Variants in CIITA observed in about 807,000 individuals in gnomAD.
CIITA encodes MHC class II transactivator.
A neutral mutation model predicts 115.1 loss-of-function variants in CIITA; 72 were observed. That is an observed-to-expected ratio of 0.63 (90% CI 0.52 to 0.76). The LOEUF is 0.76. CIITA is among the 30% of genes least tolerant of loss of function. The probability of loss-of-function intolerance (pLI) is 0.00; values close to 1 mark genes in which losing one functional copy is unlikely to be tolerated. For missense variants in CIITA, 1,617 were observed against 1,463.8 expected, an observed-to-expected ratio of 1.10 and a Z score of -1.71; for synonymous variants, 763 against 635.6, an observed-to-expected ratio of 1.20 and a Z score of -3.02.
intron 7 of CIITA, 42 bp from the exon 8 acceptor site, chr16:10,902,616 G>A (rs1346350155): frequency 1.6e-5 from 26 of 1,613,532 alleles, no homozygotes; most frequent in Middle Eastern, 1.6e-4. Context: ...GCAAACACAG[G>A]TGCTATGCAA....
intron 12 of CIITA, 83 bp downstream of exon 12, chr16:10,909,270 AT>A: frequency 7.0e-7 from 1 of 1,435,936 alleles, no homozygotes; most frequent in Non-Finnish European, 9.8e-7. Context: ...TGTCATGGGC[AT>A]TTCCAGTGCC....
At chr16:10,903,919 GA>G (rs2038957788) in intron 9 of CIITA, 24 bp downstream of exon 9, 2 of 1,614,192 alleles carry the variant, frequency 1.2e-6, no homozygotes, top group Non-Finnish European at 1.7e-6. Context: ...GGGCCTGTGA[GA>G]GGTACTAGAA....
chr16:10,895,137 G>A (rs2037991868), intron 1 of CIITA, 145 bp from the exon 2 acceptor site: 2 of 879,076 alleles, frequency 2.3e-6, no homozygotes, highest in South Asian at 3.0e-5. Flanking sequence ...TCTCCACCAC[G>A]CTGAGCATAT....
At chr16:10,908,861 T>C (rs2039359435) in intron 11 of CIITA, 168 bp from the exon 12 acceptor site, 1 of 892,510 alleles carries the variant, frequency 1.1e-6, no homozygotes, top group Non-Finnish European at 1.8e-6. Flanking sequence ...TGTGAGAAAG[T>C]AGGAATCAAT....
downstream of CIITA, chr16:10,936,593 A>C (rs1437821721): frequency 2.0e-5 from 3 of 152,256 alleles, no homozygotes; most frequent in South Asian, 2.1e-4. Context: ...AAATTACTTC[A>C]TAACAGAGGT....
At chr16:10,896,496 G>C (rs779942916) in intron 3 of CIITA, among the ~76,000 whole-genome samples, 3 of 152,228 alleles carry the variant, frequency 2.0e-5, no homozygotes, top group Non-Finnish European at 4.4e-5. Flanking sequence ...GGTGGTGGTG[G>C]TGTTGCTGCT....
rs2040896971 is a variant in CIITA, at chr16:10,933,703, G to A, written c.*9848G>A. The A allele has an allele frequency of 1.3e-5, 2 of 152,362 alleles. No homozygotes were observed. The highest frequency in any genetic ancestry group is 4.1e-4 in the South Asian group (2 of 4,832). 9.4% of individuals were successfully genotyped at this position (152,362 alleles called of 1,614,324 possible). On this transcript the variant is annotated 3_prime_UTR_variant, in exon 20 of 20. Coordinates refer to ENST00000324288, the MANE Select transcript of CIITA (RefSeq NM_000246.4). ...CAATACCGGCAGGGAACCTTCTCAAGGCTAGGGGCCTTCTGAAAGCAGCAG... is the reference window on the plus strand; with the variant it reads ...CAATACCGGCAGGGAACCTTCTCAAAGCTAGGGGCCTTCTGAAAGCAGCAG...
At chr16:10,885,767 T>C (rs1437952104) in intron 1 of CIITA, among the ~76,000 whole-genome samples, 1 of 152,182 alleles carries the variant, frequency 6.6e-6, no homozygotes, top group Non-Finnish European at 1.5e-5. Context: ...GTTTGTTTCT[T>C]TGTGAACATC....
chr16:10,891,907 C>T (rs191529923), intron 1 of CIITA, among the ~76,000 whole-genome samples: 19 of 152,342 alleles, frequency 1.2e-4, no homozygotes, highest in African/African-American at 2.6e-4. Flanking sequence ...CCCGCTCAAC[C>T]GTCATGAACA....
At chr16:10,916,755 TTC>T in intron 15 of CIITA, 1 of 475,406 alleles carries the variant, frequency 2.1e-6, no homozygotes, top group South Asian at 2.1e-5. Context: ...CATTCAATGA[TTC>T]ATCCATTCAC....
At position 10,901,447 on chromosome 16, in the gene CIITA, G is replaced by A; in HGVS notation, c.437-67G>A. On this transcript the variant is annotated intron_variant, in intron 5 of 19. Coordinates refer to ENST00000324288, the MANE Select transcript of CIITA (RefSeq NM_000246.4). This position sits in a 1 kb window ranked among gnomAD's most constrained non-coding sequence, Gnocchi z 6.8. ...AGTTAAGGCCGTATAGCCTGCTAGA[G>A]TCCTGAGCCCCTTCTGGCTTGGGAC... 2 of 1,566,634 alleles carry A rather than the reference G, an allele frequency of 1.3e-6. No homozygotes were observed. The highest frequency in any genetic ancestry group is 1.7e-5 in the Admixed American group (1 of 59,888).
chr16:10,939,787 G>A (rs1215383745), downstream of CIITA: 1 of 152,260 alleles, frequency 6.6e-6, no homozygotes, highest in Non-Finnish European at 1.5e-5. This position sits in a 1 kb window ranked among gnomAD's most constrained non-coding sequence, Gnocchi z 4.9. Context: ...GGAAGCTCAT[G>A]TCCTTCTTGC....
intron 13 of CIITA, among the ~76,000 whole-genome samples, chr16:10,912,670 T>C (rs963141308): frequency 9.2e-5 from 14 of 152,298 alleles, no homozygotes; most frequent in Non-Finnish European, 1.6e-4. Context: ...GAGGTAAAAA[T>C]GATGCTGAAA....
intron 3 of CIITA, among the ~76,000 whole-genome samples, chr16:10,896,597 G>GA (rs1567393125): frequency 1.3e-5 from 2 of 152,292 alleles, no homozygotes; most frequent in Non-Finnish European, 1.5e-5. Flanking sequence ...TGTTGAAATA[G>GA]AAAAAAGTGG....
intron 10 of CIITA, among the ~76,000 whole-genome samples, chr16:10,905,787 A>G (rs2039104863): frequency 6.6e-6 from 1 of 152,002 alleles, no homozygotes; most frequent in Admixed American, 6.5e-5. Flanking sequence ...GAAAAGGTCT[A>G]AAAGGAGTGG....
At chr16:10,887,422 A>C (rs1365428486) in intron 1 of CIITA, among the ~76,000 whole-genome samples, 1 of 152,156 alleles carries the variant, frequency 6.6e-6, no homozygotes, top group Non-Finnish European at 1.5e-5. Context: ...CTAGGCACAC[A>C]GTTCAGAGGT....
chr16:10,892,352 T>C (rs189533999), intron 1 of CIITA, among the ~76,000 whole-genome samples: 1 of 151,500 alleles, frequency 6.6e-6, no homozygotes, highest in East Asian at 2.0e-4. Flanking sequence ...AAAATGAGTC[T>C]CAGGAATGGG....
chr16:10,909,088 A>G lies in CIITA; in HGVS notation c.2717A>G (p.Lys906Arg), dbSNP rs1477380659. The G allele has an allele frequency of 1.9e-6, 3 of 1,614,136 alleles. No individual in the cohort carries two copies. Among genetic ancestry groups the G allele is most frequent in the African/African-American group, 1.3e-5 (1 of 75,040 alleles). The change falls in exon 12 of 20, where the codon AAG (lysine) becomes AGG (arginine). Residue 906 changes from lysine to arginine, a missense_variant. By Grantham distance (26) the Lys-to-Arg change is conservative. Transcript: ENST00000324288. ...WESLQQHGET[K>R]LLQAAEEKFT... is the part of the protein sequence containing the mutation. ...TCCCTGCAGCAGCATGGGGAGACCA[A>G]GCTACTTCAGGCAGCAGAGGAGAAG... is the stretch of plus-strand genomic sequence containing the variant.
Position 10,926,894 on chromosome 16 carries a change from A to G in CIITA, c.*3039A>G, listed in dbSNP as rs1353710857. 1 of 152,278 alleles carries G rather than the reference A, an allele frequency of 6.6e-6. No individual in the cohort carries two copies. Among genetic ancestry groups the G allele is most frequent in the Non-Finnish European group, 1.5e-5 (1 of 68,066 alleles). The allele number at this position is 152,278 out of a possible 1,614,324, so 9.4% of individuals were successfully genotyped here. Reference sequence around the variant, plus strand: ...CAAGGGAAATTCAAAGCGCTCAGAAAGTATTAGCTCAATAAGTGATGACTG... The same window carrying G: ...CAAGGGAAATTCAAAGCGCTCAGAAGGTATTAGCTCAATAAGTGATGACTG... On this transcript the variant is annotated 3_prime_UTR_variant, in exon 20 of 20. Transcript: ENST00000324288.
Sources: allele counts gnomAD v4.1 joint callset (sites outside exome capture counted in the v4.1 genomes callset), GRCh38; gene constraint gnomAD v4.1.1; non-coding constraint Gnocchi (gnomAD v3.1); transcripts MANE v1.5; gene names NCBI Gene and HGNC (gene_info 2026-07-23, HGNC 2026-07-21).